MARCHF1: variants seen among roughly 807,000 people sequenced by gnomAD.
MARCHF1 encodes E3 ubiquitin-protein ligase MARCHF1.
Under a neutral mutation model 54.2 loss-of-function variants are expected in MARCHF1, and 40 were observed. The observed-to-expected ratio is 0.74, with a 90% CI of 0.57 to 0.96. The LOEUF is 0.96. Among genes scored for constraint, MARCHF1 ranks in the 40% least tolerant of loss-of-function variants. The probability of loss-of-function intolerance (pLI) is 0.00; values close to 1 mark genes in which losing one functional copy is unlikely to be tolerated. For missense variants in MARCHF1, 586 were observed against 656.5 expected (o/e 0.89, Z 1.17); for synonymous variants, 236 against 236.3 (o/e 1.00, Z 0.01).
At position 163,723,281 on chromosome 4, in the gene MARCHF1, G is replaced by A. The variant is rs1385434543; in HGVS notation, c.112-22418C>T. 2.6e-5 allele frequency among the ~76,000 whole-genome samples: 4 copies of A among 152,144 alleles called. No homozygotes were observed. The East Asian group carries it at 5.8e-4, about 22-fold the overall frequency. On this transcript the variant is annotated intron_variant, in intron 4 of 9. Coordinates refer to ENST00000514618, the MANE Select transcript of MARCHF1 (RefSeq NM_001394959.1). ...AGGATTTTATTTCTCCTTCACTTAT[G>A]AAGCTTAGTTTGGCTGGATATGAAA...
At chr4:163,539,677 G>A (rs1009988545) in intron 9 of MARCHF1, among the ~76,000 whole-genome samples, 4 of 152,172 alleles carry the variant, frequency 2.6e-5, no homozygotes, top group Non-Finnish European at 4.4e-5. Flanking sequence ...GGCCACTGGC[G>A]TTTAGTCATA....
At chr4:164,108,395 G>T (rs1755754763) in intron 2 of MARCHF1, among the ~76,000 whole-genome samples, 1 of 151,876 alleles carries the variant, frequency 6.6e-6, no homozygotes, top group Non-Finnish European at 1.5e-5. Context: ...CTGAATGACT[G>T]CAGAATTCAT....
chr4:163,658,978 A>G (rs1743250509), intron 5 of MARCHF1, among the ~76,000 whole-genome samples: 1 of 152,006 alleles, frequency 6.6e-6, no homozygotes, highest in South Asian at 2.1e-4. Flanking sequence ...AAGAAAAAAA[A>G]ATGATTTAGC....
At chr4:164,100,882 T>C (rs920219199) in intron 2 of MARCHF1, among the ~76,000 whole-genome samples, 3 of 152,062 alleles carry the variant, frequency 2.0e-5, no homozygotes, top group African/African-American at 7.2e-5. Context: ...TGCCAGACAG[T>C]GGGCGCAGGT....
chr4:164,031,064 C>A (rs531624763), intron 2 of MARCHF1, among the ~76,000 whole-genome samples: 138 of 152,240 alleles, frequency 9.1e-4, no homozygotes, highest in Non-Finnish European at 1.7e-3. Context: ...CGCTTTATTT[C>A]ATTCTCTTGC....
At chr4:163,647,233 T>G (rs887783380) in intron 5 of MARCHF1, among the ~76,000 whole-genome samples, 2 of 152,060 alleles carry the variant, frequency 1.3e-5, no homozygotes, top group Non-Finnish European at 1.5e-5. Flanking sequence ...GTATAATATA[T>G]GCACAGTATT....
At chr4:164,118,881 A>G (rs150634827) in intron 1 of MARCHF1, among the ~76,000 whole-genome samples, 6 of 151,766 alleles carry the variant, frequency 4.0e-5, no homozygotes, top group African/African-American at 1.2e-4. Context: ...AAGTATCCAA[A>G]TAATATAACA....
chr4:163,792,703 T>C (rs917036714), intron 4 of MARCHF1, among the ~76,000 whole-genome samples: 3 of 152,184 alleles, frequency 2.0e-5, no homozygotes, highest in African/African-American at 7.2e-5. Flanking sequence ...TTTCTATATA[T>C]GGAAATTAGA....
At chr4:164,220,653 A>AAG (rs1732078777) in intron 1 of MARCHF1, among the ~76,000 whole-genome samples, 3 of 141,720 alleles carry the variant, frequency 2.1e-5, no homozygotes, top group Non-Finnish European at 4.5e-5. Flanking sequence ...ATATGCATAT[A>AAG]TGTAATATAT....
rs1342672537 is a variant in MARCHF1, at chr4:163,528,842, T to C, written c.1544A>G (p.Asp515Gly). The C allele has an allele frequency of 6.2e-7, 1 of 1,613,174 alleles. No homozygotes were observed. Among genetic ancestry groups the C allele is most frequent in the Admixed American group, 1.7e-5 (1 of 59,854 alleles). ...AGGCACTACCACAGCATCTTTGATG[T>C]CTGTGTTTACATTACATGAGAAGTT... ...EKNFSCNVNT[D>G]IKDAVVVPVP... The change falls in exon 10 of 10, where the codon GAC (aspartate) becomes GGC (glycine). Residue 515 changes from aspartate to glycine, a missense_variant. By Grantham distance (94) the Asp-to-Gly change is moderately conservative (BLOSUM62 -1). Around this residue, in one of 3 missense-constraint regions of MARCHF1, gnomAD observed 106 missense variants for 93.8 expected, o/e 1.13. Transcript: ENST00000514618.
At chr4:164,126,676 G>C (rs1000263210) in intron 1 of MARCHF1, among the ~76,000 whole-genome samples, 1 of 152,160 alleles carries the variant, frequency 6.6e-6, no homozygotes, top group African/African-American at 2.4e-5. Context: ...TGTAGAGAAG[G>C]CTTCGGTCTT....
At chr4:163,995,177 C>T (rs539979636) in intron 2 of MARCHF1, among the ~76,000 whole-genome samples, 1 of 152,026 alleles carries the variant, frequency 6.6e-6, no homozygotes, top group African/African-American at 2.4e-5. Context: ...TCCCACAACC[C>T]CCTCCTTAGG....
chr4:164,176,980 C>CTCTCTCTATATATATATA (rs1466683245), intron 1 of MARCHF1, among the ~76,000 whole-genome samples: 2 of 58,916 alleles, frequency 3.4e-5, no homozygotes, highest in African/African-American at 1.4e-4. Flanking sequence ...CTCTCTCTCT[C>CTCTCTCTATATATATATA]TATATATATA....
chr4:163,677,538 A>G (rs1176023972), intron 5 of MARCHF1, among the ~76,000 whole-genome samples: 1 of 152,222 alleles, frequency 6.6e-6, no homozygotes, highest in African/African-American at 2.4e-5. Flanking sequence ...TCTTTAAAAT[A>G]TCTCTTCCCT....
At chr4:164,360,028 C>T (rs1040675574) in intron 1 of MARCHF1, among the ~76,000 whole-genome samples, 7 of 152,020 alleles carry the variant, frequency 4.6e-5, no homozygotes, top group South Asian at 2.1e-4. Context: ...CAGAACACTC[C>T]GCGCAATCAG....
intron 1 of MARCHF1, chr4:164,196,963 G>T: frequency 6.2e-7 from 1 of 1,600,204 alleles, no homozygotes. Flanking sequence ...TTTCAAAATA[G>T]GTTATTCTAC....
intron 1 of MARCHF1, among the ~76,000 whole-genome samples, chr4:164,244,754 A>G (rs1732886297): frequency 6.6e-6 from 1 of 152,178 alleles, no homozygotes; most frequent in African/African-American, 2.4e-5. Flanking sequence ...AAATAGATGC[A>G]ATAAAAAATG....
intron 2 of MARCHF1, among the ~76,000 whole-genome samples, chr4:164,055,518 T>C (rs571965054): frequency 1.1e-4 from 16 of 152,158 alleles, no homozygotes; most frequent in African/African-American, 3.9e-4. Context: ...GACTGAGCCT[T>C]TCTCTCCCCG....
At chr4:163,872,033 T>A (rs577914377) in intron 3 of MARCHF1, among the ~76,000 whole-genome samples, 4 of 152,296 alleles carry the variant, frequency 2.6e-5, no homozygotes, top group Non-Finnish European at 5.9e-5. Flanking sequence ...GAGAAAAAAA[T>A]TAAAACTACT....
Sources: gnomAD v4.1 joint callset for allele counts (sites outside exome capture counted in the v4.1 genomes callset) on GRCh38, gnomAD v4.1.1 for gene constraint, gnomAD v4.1.1 regional missense constraint, MANE v1.5 for transcripts, NCBI Gene and HGNC (gene_info 2026-07-23, HGNC 2026-07-21) for gene names.